The following MTUS1 variants were observed in gnomAD, a reference collection of about 807,000 sequenced individuals.
MTUS1 encodes the protein microtubule-associated tumor suppressor 1.
In MTUS1, 109 loss-of-function variants were observed where a neutral mutation model predicts 120.8. The observed-to-expected ratio is 0.90, with a 90% CI of 0.77 to 1.06. The LOEUF is 1.06. Ranked by LOEUF, MTUS1 falls within the 50% of genes least tolerant of loss-of-function variation. The probability of loss-of-function intolerance (pLI) is 0.00; values close to 1 mark genes in which losing one functional copy is unlikely to be tolerated. For synonymous variants in MTUS1, 737 were observed against 550.5 expected (o/e 1.34, Z -4.74); for missense variants, 2,210 against 1,486.3 (o/e 1.49, Z -8.01).
At chr8:17,656,754 G>GA (rs1452756791) in intron 8 of MTUS1, among the ~76,000 whole-genome samples, 3 of 151,948 alleles carry the variant, frequency 2.0e-5, no homozygotes, top group African/African-American at 7.3e-5. Context: ...GCTCACACAA[G>GA]AGCAGGAAAG....
At chr8:17,776,549 C>A (rs564497259) in intron 1 of MTUS1, among the ~76,000 whole-genome samples, 1 of 152,004 alleles carries the variant, frequency 6.6e-6, no homozygotes, top group East Asian at 1.9e-4. Context: ...CATTGTGGCA[C>A]ATGTCTGTAG....
At chr8:17,773,733 A>T (rs182044004) in intron 1 of MTUS1, among the ~76,000 whole-genome samples, 87 of 152,302 alleles carry the variant, frequency 5.7e-4, no homozygotes, top group African/African-American at 2.0e-3. Flanking sequence ...CTCCACCTCC[A>T]AACATATAAA....
At position 17,721,301 on chromosome 8, in the gene MTUS1, T is replaced by C. The variant is rs189340621; in HGVS notation, c.2449+2371A>G. Among the ~76,000 whole-genome samples the C allele has an allele frequency of 3.9e-5, 6 of 152,322 alleles. No homozygotes were observed. The East Asian group carries it at 5.8e-4, about 15-fold the overall frequency. ...GGTAGCCTTTAAAAGTATACATGTTTAATACTTTCAGTTACAACTTAGGAA... is the reference window on the plus strand; with the variant it reads ...GGTAGCCTTTAAAAGTATACATGTTCAATACTTTCAGTTACAACTTAGGAA... On this transcript the variant is annotated intron_variant, in intron 4 of 14. Transcript: ENST00000693296.
At chr8:17,689,533 A>G (rs1394457855) in intron 6 of MTUS1, among the ~76,000 whole-genome samples, 1 of 152,194 alleles carries the variant, frequency 6.6e-6, no homozygotes, top group Non-Finnish European at 1.5e-5. Context: ...AGCTGGCAGG[A>G]AAAAACCAAA....
chr8:17,774,282 C>T (rs2050238443), intron 1 of MTUS1, among the ~76,000 whole-genome samples: 1 of 152,200 alleles, frequency 6.6e-6, no homozygotes. Context: ...TCTGCATAAA[C>T]GCCAAACAGC....
At position 17,759,767 on chromosome 8, in the gene MTUS1, C is replaced by T. The variant is rs183409131; in HGVS notation, c.-154-3806G>A. ...CATTATACTATAAAAACATTTTTAA[C>T]GGTTGTGAAACGCCACTAAAGTTAA... On this transcript the variant is annotated intron_variant, in intron 1 of 14. Coordinates refer to ENST00000693296, the MANE Select transcript of MTUS1 (RefSeq NM_001363059.2). 1.7e-4 allele frequency among the ~76,000 whole-genome samples: 26 copies of T among 151,270 alleles called. No individual in the cohort carries two copies. In the East Asian group the frequency reaches 4.4e-3, roughly 26 times the overall value.
At position 17,676,447 on chromosome 8, in the gene MTUS1, C is replaced by T. The variant is rs1422594036; in HGVS notation, c.2839-1195G>A. The stretch of plus-strand genomic sequence containing the variant: ...TTCAAAGCTCTAGCAGGAGGCGCGC[C>T]ATTGGCCCTCGGGCGTCTTACTTCA... On this transcript the variant is annotated intron_variant, in intron 7 of 14. Transcript: ENST00000693296. The T allele has an allele frequency of 3.1e-5, 20 of 650,614 alleles. No homozygotes were observed. The East Asian group carries it at 5.6e-4, about 18-fold the overall frequency. The allele number at this position is 650,614 out of a possible 1,614,324, so 40.3% of individuals were successfully genotyped here.
At chr8:17,740,679 C>G (rs1429986163) in intron 3 of MTUS1, among the ~76,000 whole-genome samples, 2 of 152,134 alleles carry the variant, frequency 1.3e-5, no homozygotes, top group African/African-American at 4.8e-5. Flanking sequence ...CTCAGGCTGC[C>G]ATAATAGTAA....
At position 17,646,035 on chromosome 8, in the gene MTUS1, T is replaced by C. The variant is rs1805709486; in HGVS notation, c.3704A>G (p.His1235Arg). 6.2e-7 allele frequency: 1 copy of C among 1,613,676 alleles called. No individual in the cohort carries two copies. The highest frequency in any genetic ancestry group is 1.7e-5 in the Admixed American group (1 of 59,956). ...CTTGGGGCTACACAGGTCCCCATTG[T>C]GCAGTTTCCACAGAAGCTCCTCGTT... ...MENEELLWKLHNGDLCSPKRS... is the reference protein window; with the variant it reads ...MENEELLWKLRNGDLCSPKRS... The change falls in exon 15 of 15, where the codon CAC (histidine) becomes CGC (arginine). Residue 1235 changes from histidine to arginine, a missense_variant. His to Arg is a conservative substitution (Grantham distance 29). Transcript: ENST00000693296.
intron 2 of MTUS1, among the ~76,000 whole-genome samples, chr8:17,747,939 T>C (rs983717057): frequency 3.3e-5 from 5 of 152,100 alleles, no homozygotes; most frequent in Non-Finnish European, 7.4e-5. Context: ...TCCCTTATAA[T>C]AACCATCAGA....
At chr8:17,699,316 C>G (rs886424714) in intron 6 of MTUS1, among the ~76,000 whole-genome samples, 1 of 152,164 alleles carries the variant, frequency 6.6e-6, no homozygotes, top group African/African-American at 2.4e-5. Context: ...CTCCCGGGTT[C>G]AAGTGATTCT....
At position 17,755,204 on chromosome 8, in the gene MTUS1, A is replaced by C; in HGVS notation, c.604T>G (p.Ser202Ala). Reference protein sequence around the residue: ...PTGRRSGSTSSLSYSTWTSSH... With the variant: ...PTGRRSGSTSALSYSTWTSSH... Reference sequence around the variant, plus strand: ...GATGTCCAAGTGGAATAGGATAAAGAAGATGTACTTCCACTTCTCCTACCA... The same window carrying C: ...GATGTCCAAGTGGAATAGGATAAAGCAGATGTACTTCCACTTCTCCTACCA... Residue 202 changes from serine (S) to alanine (A), a missense_variant, in exon 2 of 15, where the codon TCT becomes GCT. Transcript: ENST00000693296. The C allele has an allele frequency of 6.2e-7, 1 of 1,614,204 alleles. No individual in the cohort carries two copies.
intron 8 of MTUS1, among the ~76,000 whole-genome samples, chr8:17,656,550 C>CG (rs1436891285): frequency 8.1e-6 from 1 of 124,030 alleles, no homozygotes; most frequent in Admixed American, 8.9e-5. Context: ...ACAAAACCCC[C>CG]CCCCACCCCA....
At chr8:17,701,098 A>C (rs1481516980) in intron 6 of MTUS1, among the ~76,000 whole-genome samples, 1 of 152,166 alleles carries the variant, frequency 6.6e-6, no homozygotes, top group East Asian at 1.9e-4. Flanking sequence ...AGAAGATTAA[A>C]ATTTAAACCA....
chr8:17,673,897 T>A (rs931654321), intron 8 of MTUS1, among the ~76,000 whole-genome samples: 1 of 152,230 alleles, frequency 6.6e-6, no homozygotes, highest in Admixed American at 6.5e-5. Context: ...CTCCTAGAGT[T>A]GGGTGAACAC....
intron 6 of MTUS1, among the ~76,000 whole-genome samples, chr8:17,688,184 T>C (rs550349551): frequency 5.9e-5 from 9 of 152,332 alleles, no homozygotes; most frequent in African/African-American, 1.7e-4. Flanking sequence ...TTGTCCACTT[T>C]TGTGTATACT....
intron 1 of MTUS1, among the ~76,000 whole-genome samples, chr8:17,789,182 G>C (rs528008786): frequency 5.3e-4 from 80 of 151,990 alleles, no homozygotes; most frequent in Admixed American, 1.1e-3. Context: ...ACAGGAATGA[G>C]CCACCTCACC....
chr8:17,770,084 A>G (rs2049913627), intron 1 of MTUS1, among the ~76,000 whole-genome samples: 1 of 152,168 alleles, frequency 6.6e-6, no homozygotes, highest in Non-Finnish European at 1.5e-5. Flanking sequence ...TAAAATAACC[A>G]CAGTCATTTG....
intron 8 of MTUS1, among the ~76,000 whole-genome samples, chr8:17,665,341 A>G (rs1810663835): frequency 1.3e-5 from 2 of 152,180 alleles, no homozygotes; most frequent in Non-Finnish European, 2.9e-5. Context: ...GCACAATCAA[A>G]TCAATCCTCC....
Sources: gnomAD v4.1 joint callset for allele counts (sites outside exome capture counted in the v4.1 genomes callset) on GRCh38, gnomAD v4.1.1 for gene constraint, MANE v1.5 for transcripts, NCBI Gene and HGNC (gene_info 2026-07-23, HGNC 2026-07-21) for gene names.